SDCBP: variants seen among roughly 807,000 people sequenced by gnomAD.
The protein encoded by SDCBP is syndecan binding protein, also known as syntenin-1.
A neutral mutation model predicts 30.5 loss-of-function variants in SDCBP; 22 were observed. That is an observed-to-expected ratio of 0.72 (90% CI 0.52 to 1.03). The LOEUF (loss-of-function observed/expected upper bound fraction) is 1.03. SDCBP is among the 50% of genes least tolerant of loss of function. The pLI is 0.00. For missense variants in SDCBP, 304 were observed against 369.9 expected (o/e 0.82, Z 1.46); for synonymous variants, 103 against 118.7 (o/e 0.87, Z 0.86).
At chr8:58,556,919 TTATA>T (rs1324296236) in intron 1 of SDCBP, among the ~76,000 whole-genome samples, 4 of 137,514 alleles carry the variant, frequency 2.9e-5, no homozygotes, top group African/African-American at 5.3e-5. Flanking sequence ...TATATTCTAA[TTATA>T]TATAATATAT....
intron 4 of SDCBP, among the ~76,000 whole-genome samples, chr8:58,573,367 T>C (rs978722603): frequency 3.9e-5 from 6 of 152,072 alleles, no homozygotes; most frequent in African/African-American, 1.4e-4. Flanking sequence ...GGTGATGCAG[T>C]TGGGAAAACA....
Position 58,572,333 on chromosome 8 carries a change from A to G in SDCBP, c.240+19A>G, listed in dbSNP as rs1328341160. The stretch of plus-strand genomic sequence containing the variant: ...TCAGGGGGTATGTATAGTGTAATTA[A>G]TTTTGATTTATATAAAATCATACTT... On this transcript the variant is annotated intron_variant, in intron 4 of 8. Transcript: ENST00000260130. 1 of 1,466,026 alleles carries G rather than the reference A, an allele frequency of 6.8e-7. No individual in the cohort carries two copies. The highest frequency in any genetic ancestry group is 1.7e-5 in the Admixed American group (1 of 59,562). 90.8% of individuals were successfully genotyped at this position (1,466,026 alleles called of 1,614,324 possible). A position where few individuals can be genotyped will look rare whatever the true frequency, so the allele number is the denominator to read the frequency against.
intron 4 of SDCBP, among the ~76,000 whole-genome samples, chr8:58,574,480 G>A (rs1805212416): frequency 6.6e-6 from 1 of 152,176 alleles, no homozygotes; most frequent in Non-Finnish European, 1.5e-5. Flanking sequence ...TGGATGCTTA[G>A]ATCCCTTTGC....
intron 5 of SDCBP, among the ~76,000 whole-genome samples, chr8:58,577,411 G>C (rs950446288): frequency 2.6e-5 from 4 of 152,298 alleles, no homozygotes; most frequent in Middle Eastern, 3.4e-3. Flanking sequence ...CAGTATTTGA[G>C]TTTTCTGTAT....
At chr8:58,566,151 T>C (rs890703300) in intron 2 of SDCBP, among the ~76,000 whole-genome samples, 10 of 152,196 alleles carry the variant, frequency 6.6e-5, no homozygotes, top group African/African-American at 2.4e-4. Flanking sequence ...GTCAGTATTT[T>C]CTTCATGTGG....
Position 58,578,088 on chromosome 8 carries a change from G to A in SDCBP, c.458G>A (p.Arg153Lys). ...TCTCCAGCCTCATTGGTTGGTCTGAGATTTGGGGACCAAGTACTTCAGATC... is the reference window on the plus strand; with the variant it reads ...TCTCCAGCCTCATTGGTTGGTCTGAAATTTGGGGACCAAGTACTTCAGATC... ...ANSPASLVGL[R>K]FGDQVLQING... Residue 153 changes from arginine (R) to lysine (K), a missense_variant, in exon 6 of 9, where the codon AGA becomes AAA. Coordinates refer to ENST00000260130, the MANE Select transcript of SDCBP (RefSeq NM_005625.4). 1 of 1,613,882 alleles carries A rather than the reference G, an allele frequency of 6.2e-7. No homozygotes were observed. Among genetic ancestry groups the A allele is most frequent in the Non-Finnish European group, 8.5e-7 (1 of 1,179,772 alleles).
chr8:58,557,049 T>C (rs1276652009), intron 1 of SDCBP, among the ~76,000 whole-genome samples: 1 of 132,090 alleles, frequency 7.6e-6, no homozygotes, highest in Non-Finnish European at 1.5e-5. Flanking sequence ...AAGATATACT[T>C]ATTATATACT....
intron 1 of SDCBP, among the ~76,000 whole-genome samples, chr8:58,562,671 A>G (rs1804501508): frequency 6.6e-6 from 1 of 152,218 alleles, no homozygotes; most frequent in Admixed American, 6.5e-5. Flanking sequence ...CACCGTGTAC[A>G]AAATTAACAT....
chr8:58,580,728 G>T (rs1024169404), intron 8 of SDCBP, 120 bp downstream of exon 8: 2 of 627,052 alleles, frequency 3.2e-6, no homozygotes, highest in Non-Finnish European at 5.6e-6. Context: ...GTTTTATCTA[G>T]AAATTTGAAG....
chr8:58,565,054 C>T lies in SDCBP; in HGVS notation c.21C>T (p.Leu7=), dbSNP rs748021727. 18 of 1,589,778 alleles carry T rather than the reference C, an allele frequency of 1.1e-5. No homozygotes were observed. The highest frequency in any genetic ancestry group is 5.4e-5 in the African/African-American group (4 of 73,674). The stretch of plus-strand genomic sequence containing the variant: ...CAAAAATGTCTCTCTATCCATCTCT[C>T]GAAGACTTGAAGGTAGACAAAGTAA... MSLYPS[L]EDLKVDKVIQ... is the part of the protein sequence containing the mutation. Residue 7 remains leucine, a synonymous_variant, in exon 2 of 9, where the codon CTC becomes CTT. Transcript: ENST00000260130.
At chr8:58,568,772 A>AT (rs1305407756) in intron 2 of SDCBP, among the ~76,000 whole-genome samples, 1 of 152,216 alleles carries the variant, frequency 6.6e-6, no homozygotes, top group Non-Finnish European at 1.5e-5. Context: ...CAGGCAGCAC[A>AT]TGACTGTATA....
At chr8:58,555,522 TA>T (rs151116292) in intron 1 of SDCBP, among the ~76,000 whole-genome samples, 2,187 of 152,248 alleles carry the variant, frequency 0.014, 62 homozygotes, top group African/African-American at 0.051. Flanking sequence ...GGATACTTAT[TA>T]AAAAGAAGAG....
intron 2 of SDCBP, among the ~76,000 whole-genome samples, chr8:58,567,050 T>C (rs192999716): frequency 1.8e-4 from 27 of 152,316 alleles, no homozygotes; most frequent in Admixed American, 7.2e-4. Flanking sequence ...GCAGTGACGC[T>C]ACAAGCATGT....
At chr8:58,579,241 T>G (rs55826516) in intron 6 of SDCBP, among the ~76,000 whole-genome samples, 47,625 of 151,804 alleles carry the variant, frequency 0.31, 7,612 homozygotes, top group East Asian at 0.55. Flanking sequence ...ATGATTTGGC[T>G]CTAGAAAATA....
rs570270016 is a variant in SDCBP at position 58,576,012 on chromosome 8, G to A, written c.353G>A (p.Cys118Tyr). ...IKQGIREVILCKDQDGKIGLR... is the reference protein window; with the variant it reads ...IKQGIREVILYKDQDGKIGLR... ...CAAGGGATTCGTGAAGTCATTTTGTGTAAGGATCAAGATGGAAAAATTGGA... is the reference window on the plus strand; with the variant it reads ...CAAGGGATTCGTGAAGTCATTTTGTATAAGGATCAAGATGGAAAAATTGGA... The change falls in exon 5 of 9, where the codon TGT (cysteine) becomes TAT (tyrosine). Residue 118 changes from cysteine (C) to tyrosine (Y), a missense_variant. Transcript: ENST00000260130. The A allele has an allele frequency of 1.2e-6, 2 of 1,613,512 alleles. No individual in the cohort carries two copies. Among genetic ancestry groups the A allele is most frequent in the Non-Finnish European group, 1.7e-6 (2 of 1,179,588 alleles).
chr8:58,578,317 T>TTA lies in SDCBP; in HGVS notation c.578+111_578+112dup, dbSNP rs551251370. 265 of 785,522 alleles carry TTA rather than the reference T, an allele frequency of 3.4e-4. 4 individuals are homozygous for TTA. The South Asian group carries it at 5.5e-3, about 16-fold the overall frequency. The allele number at this position is 785,522 out of a possible 1,614,324, so 48.7% of individuals were successfully genotyped here. On this transcript the variant is annotated intron_variant, in intron 6 of 8. Transcript: ENST00000260130. ...TTTTGTTGCAGAAAATGATCAAATGTTATTGATGAGCCTTATAGTCTTGCA... is the reference window on the plus strand; with the variant it reads ...TTTTGTTGCAGAAAATGATCAAATGTTATATTGATGAGCCTTATAGTCTTGCA...
intron 1 of SDCBP, among the ~76,000 whole-genome samples, chr8:58,553,634 G>GC (rs1056461149): frequency 1.1e-4 from 16 of 152,310 alleles, no homozygotes; most frequent in African/African-American, 3.8e-4. Context: ...TTCAGCCCCC[G>GC]CCCCAGCTCT....
At position 58,557,449 on chromosome 8, in the gene SDCBP, ATAT is replaced by A. The variant is rs1278889879; in HGVS notation, c.-16+4150_-16+4152del. Among the ~76,000 whole-genome samples the A allele has an allele frequency of 5.9e-4, 86 of 145,036 alleles. 1 individual carries two copies. The highest frequency in any genetic ancestry group is 2.1e-3 in the African/African-American group (85 of 39,830). ...ATATTATATATAATACATATAATAC[ATAT>A]TATATAATACATATTATATATGTTA... is the stretch of plus-strand genomic sequence containing the variant. On this transcript the variant is annotated intron_variant, in intron 1 of 8. Coordinates refer to ENST00000260130, the MANE Select transcript of SDCBP (RefSeq NM_005625.4).
chr8:58,578,095 G>A lies in SDCBP; in HGVS notation c.465G>A (p.Gly155=). ...SPASLVGLRF[G]DQVLQINGEN... ...CCTCATTGGTTGGTCTGAGATTTGG[G>A]GACCAAGTACTTCAGATCAATGGTG... is the stretch of plus-strand genomic sequence containing the variant. Residue 155 remains glycine (G), a synonymous_variant, in exon 6 of 9, where the codon GGG becomes GGA. Transcript: ENST00000260130. 1 of 1,613,776 alleles carries A rather than the reference G, an allele frequency of 6.2e-7. No homozygotes were observed. The highest frequency in any genetic ancestry group is 1.7e-5 in the Admixed American group (1 of 60,000).
Sources: gnomAD v4.1 joint callset for allele counts (sites outside exome capture counted in the v4.1 genomes callset) on GRCh38, gnomAD v4.1.1 for gene constraint, MANE v1.5 for transcripts, NCBI Gene and HGNC (gene_info 2026-07-23, HGNC 2026-07-21) for gene names.